Variants in TUSC3 observed in about 807,000 individuals in gnomAD.
The protein encoded by TUSC3 is tumor suppressor candidate 3, also known as dolichyl-diphosphooligosaccharide--protein glycosyltransferase subunit TUSC3.
TUSC3 carries 45 observed loss-of-function variants against 44.8 expected under a neutral mutation model. The observed-to-expected ratio is 1.00, with a 90% CI of 0.79 to 1.29. The LOEUF (loss-of-function observed/expected upper bound fraction) is 1.29, where lower values mean the gene tolerates loss of function less well. TUSC3 is among the 50% of genes most tolerant of loss of function. TUSC3 has a pLI of 0.00. For synonymous variants in TUSC3, 212 were observed against 152.9 expected, an observed-to-expected ratio of 1.39 and a Z score of -2.85; for missense variants, 519 against 437.9, an observed-to-expected ratio of 1.19 and a Z score of -1.65.
intron 1 of TUSC3, among the ~76,000 whole-genome samples, chr8:15,430,171 C>CA (rs1289168224): frequency 2.0e-4 from 27 of 137,916 alleles, no homozygotes; most frequent in Admixed American, 1.7e-3. Flanking sequence ...AGAGACACAA[C>CA]AAAAAAAAGA....
At chr8:15,717,276 T>C (rs1413006951) in intron 6 of TUSC3, among the ~76,000 whole-genome samples, 1 of 152,112 alleles carries the variant, frequency 6.6e-6, no homozygotes, top group Non-Finnish European at 1.5e-5. Context: ...TGAATTTTGG[T>C]TTATCAGTAA....
intron 1 of TUSC3, among the ~76,000 whole-genome samples, chr8:15,567,055 G>C (rs571082037): frequency 2.1e-4 from 32 of 152,250 alleles, no homozygotes; most frequent in African/African-American, 7.5e-4. Flanking sequence ...ACAAATTCTA[G>C]TCATGGCTCT....
intron 2 of TUSC3, among the ~76,000 whole-genome samples, chr8:15,490,981 A>G (rs767791582): frequency 2.0e-4 from 30 of 152,192 alleles, no homozygotes; most frequent in African/African-American, 4.1e-4. Flanking sequence ...GGCCCCCCCA[A>G]TCTTTAAAGA....
intron 7 of TUSC3, among the ~76,000 whole-genome samples, chr8:15,742,801 C>A (rs184436460): frequency 6.6e-6 from 1 of 152,080 alleles, no homozygotes; most frequent in South Asian, 2.1e-4. Context: ...TCTTAAGAGT[C>A]GACAATGTGA....
At chr8:15,532,952 C>T (rs772329465) in intron 2 of TUSC3, among the ~76,000 whole-genome samples, 1 of 152,106 alleles carries the variant, frequency 6.6e-6, no homozygotes, top group Non-Finnish European at 1.5e-5. Flanking sequence ...GTCACCATGC[C>T]CAGCTAATTT....
chr8:15,546,737 G>C (rs142642576), intron 1 of TUSC3, among the ~76,000 whole-genome samples: 1 of 151,654 alleles, frequency 6.6e-6, no homozygotes, highest in South Asian at 2.1e-4. Context: ...GTTTCTCCAT[G>C]TTGGTCAGGC....
intron 2 of TUSC3, among the ~76,000 whole-genome samples, chr8:15,512,676 G>A (rs568135616): frequency 6.6e-6 from 1 of 151,824 alleles, no homozygotes; most frequent in Non-Finnish European, 1.5e-5. Flanking sequence ...GGGAGGCTGA[G>A]GCAGGAGAGT....
intron 2 of TUSC3, among the ~76,000 whole-genome samples, chr8:15,532,681 C>T (rs555302198): frequency 3.1e-4 from 47 of 152,296 alleles, no homozygotes; most frequent in Non-Finnish European, 5.4e-4. Flanking sequence ...ACCCAAATCT[C>T]ATCTGTAGCT....
Position 15,765,266 on chromosome 8 carries a change from C to G in TUSC3, c.*1110C>G, listed in dbSNP as rs1812296441. ...TAAAGTTTATAACCAGGCCTTCAAACTCTCAAACATGGATTTTTATATTCT... is the reference window on the plus strand; with the variant it reads ...TAAAGTTTATAACCAGGCCTTCAAAGTCTCAAACATGGATTTTTATATTCT... On this transcript the variant is annotated 3_prime_UTR_variant, in exon 11 of 11. Transcript: ENST00000503731. 1.3e-5 allele frequency: 2 copies of G among 151,982 alleles called. No homozygotes were observed. Among genetic ancestry groups the G allele is most frequent in the Admixed American group, 6.6e-5 (1 of 15,224 alleles). 9.4% of individuals were successfully genotyped at this position (151,982 alleles called of 1,614,324 possible). A position where few individuals can be genotyped will look rare whatever the true frequency, so the allele number is the denominator to read the frequency against.
At chr8:15,464,850 A>G (rs986752920) in intron 1 of TUSC3, among the ~76,000 whole-genome samples, 6 of 152,098 alleles carry the variant, frequency 3.9e-5, no homozygotes, top group African/African-American at 1.4e-4. Context: ...GGAATCCTTG[A>G]AGACTTTTTT....
chr8:15,789,544 TA>T, the TUSC3 span, among the ~76,000 whole-genome samples: 2 of 152,166 alleles, frequency 1.3e-5, no homozygotes, highest in Non-Finnish European at 2.9e-5. Flanking sequence ...TCTTATGAAT[TA>T]AAAGCATTCT....
At chr8:15,679,322 A>G (rs1808315778) in intron 6 of TUSC3, among the ~76,000 whole-genome samples, 1 of 151,656 alleles carries the variant, frequency 6.6e-6, no homozygotes, top group African/African-American at 2.4e-5. Context: ...ATGGTGTCTC[A>G]TTGTAGTTTT....
At chr8:15,622,985 G>T in intron 1 of TUSC3, 95 bp from the exon 2 acceptor site, 1 of 1,292,308 alleles carries the variant, frequency 7.7e-7, no homozygotes, top group East Asian at 2.5e-5. Flanking sequence ...GATATCATTA[G>T]GAAAAAGAAA....
chr8:15,603,044 A>T (rs2129155280), intron 1 of TUSC3, among the ~76,000 whole-genome samples: 1 of 151,704 alleles, frequency 6.6e-6, no homozygotes, highest in South Asian at 2.1e-4. Context: ...AAAAAAAGAA[A>T]AGTCTGTGTG....
intron 1 of TUSC3, among the ~76,000 whole-genome samples, chr8:15,437,847 A>G (rs764467981): frequency 6.6e-5 from 10 of 152,152 alleles, no homozygotes; most frequent in Admixed American, 3.3e-4. Flanking sequence ...ATACTCATCT[A>G]TTAAATTCAC....
chr8:15,824,641 G>A, the TUSC3 span, among the ~76,000 whole-genome samples: 6 of 152,120 alleles, frequency 3.9e-5, no homozygotes, highest in Non-Finnish European at 5.9e-5. Flanking sequence ...ATAGCATTAG[G>A]AGATATACCT....
intron 7 of TUSC3, among the ~76,000 whole-genome samples, chr8:15,741,776 T>G (rs1029409444): frequency 2.6e-5 from 4 of 152,160 alleles, no homozygotes; most frequent in African/African-American, 7.2e-5. Flanking sequence ...TATTTAAATG[T>G]GTAGATAAAA....
At chr8:15,499,852 G>A (rs1800934878) in intron 2 of TUSC3, among the ~76,000 whole-genome samples, 1 of 152,050 alleles carries the variant, frequency 6.6e-6, no homozygotes, top group South Asian at 2.1e-4. Context: ...ATAAGTGTAT[G>A]AGCCAAATCC....
intron 6 of TUSC3, among the ~76,000 whole-genome samples, chr8:15,707,423 A>G (rs1029955984): frequency 1.4e-4 from 21 of 151,934 alleles, no homozygotes; most frequent in Non-Finnish European, 2.5e-4. Flanking sequence ...TTTTAAACCT[A>G]TATTTTTTAT....
Sources: allele counts gnomAD v4.1 joint callset (sites outside exome capture counted in the v4.1 genomes callset), GRCh38; gene constraint gnomAD v4.1.1; transcripts MANE v1.5; gene names NCBI Gene and HGNC (gene_info 2026-07-23, HGNC 2026-07-21).